EIF3L: variants seen among roughly 807,000 people sequenced by gnomAD.
EIF3L encodes the protein eIEF associated protein HSPC021.
Under a neutral mutation model 74.6 loss-of-function variants are expected in EIF3L, and 32 were observed. The observed-to-expected ratio is 0.43, with a 90% CI of 0.32 to 0.58. EIF3L has a LOEUF of 0.58. Among genes scored for constraint, EIF3L ranks in the 20% least tolerant of loss-of-function variants. EIF3L has a pLI of 0.06. For missense variants in EIF3L, 474 were observed against 707.8 expected (o/e 0.67, Z 3.75); for synonymous variants, 256 against 254.4 (o/e 1.01, Z -0.06).
Position 37,863,055 on chromosome 22 carries a change from G to T in EIF3L, c.505+17G>T. On this transcript the variant is annotated intron_variant, in intron 6 of 12. Transcript: ENST00000652021. ...ACATTCTTAGTGAGTCTGAGATTTGGCCAAGAGGGTGTGTGTGGTTATGAT... is the reference window on the plus strand; with the variant it reads ...ACATTCTTAGTGAGTCTGAGATTTGTCCAAGAGGGTGTGTGTGGTTATGAT... 6.2e-7 allele frequency: 1 copy of T among 1,608,658 alleles called. No homozygotes were observed. Among genetic ancestry groups the T allele is most frequent in the South Asian group, 1.1e-5 (1 of 90,454 alleles).
At chr22:37,855,706 A>G in intron 4 of EIF3L, 62 bp downstream of exon 4, 2 of 1,409,608 alleles carry the variant, frequency 1.4e-6, no homozygotes, top group Non-Finnish European at 2.0e-6. Context: ...GTCATTAGAC[A>G]GGAAGCTCAA....
intron 12 of EIF3L, 123 bp downstream of exon 12, chr22:37,886,968 A>T: frequency 1.4e-6 from 1 of 731,354 alleles, no homozygotes; most frequent in Non-Finnish European, 2.1e-6. Flanking sequence ...TTGTGCTGTC[A>T]CCCATGCTGG....
Position 37,877,677 on chromosome 22 carries a change from A to C in EIF3L, c.1081A>C (p.Asn361His). Residue 361 changes from asparagine to histidine, a missense_variant, in exon 11 of 13, where the codon AAC (asparagine) becomes CAC (histidine). This residue lies in a region of EIF3L where 293 missense variants were observed against 469.1 expected (regional missense o/e 0.62). Coordinates refer to ENST00000652021, the MANE Select transcript of EIF3L (RefSeq NM_016091.4). ...QRTTYKYEMI[N>H]KQNEQMHALL... is the part of the protein sequence containing the mutation. ...CCACTCTCCACCCCATCCCCAGATT[A>C]ACAAGCAGAATGAGCAGATGCATGC... The C allele has an allele frequency of 6.3e-7, 1 of 1,592,982 alleles. No homozygotes were observed. The highest frequency in any genetic ancestry group is 8.6e-7 in the Non-Finnish European group (1 of 1,168,436).
chr22:37,875,833 T>C lies in EIF3L; in HGVS notation c.907-8T>C. The C allele has an allele frequency of 6.2e-7, 1 of 1,611,564 alleles. No individual in the cohort carries two copies. Among genetic ancestry groups the C allele is most frequent in the South Asian group, 1.1e-5 (1 of 90,916 alleles). On this transcript the variant is annotated splice_region_variant and splice_polypyrimidine_tract_variant and intron_variant, in intron 9 of 12. Transcript: ENST00000652021. ...ACTCATGAATGTTTGTTCTACCTCC[T>C]TCTACAGAGTATGTATTCCCGTGTG...
rs778616387 is a variant in EIF3L, at chr22:37,858,747, A to AT, written c.435+10dup. 1.3e-6 allele frequency: 2 copies of AT among 1,595,536 alleles called. No homozygotes were observed. Among genetic ancestry groups the AT allele is most frequent in the South Asian group, 2.3e-5 (2 of 85,636 alleles). On this transcript the variant is annotated splice_region_variant and intron_variant, in intron 5 of 12. Transcript: ENST00000652021. Reference sequence around the variant, plus strand: ...CATATATGCCAAAGTCAGTGTAAGTATTTAAGTGTCGCAGTTTTTTTTTTG... The same window carrying AT: ...CATATATGCCAAAGTCAGTGTAAGTATTTTAAGTGTCGCAGTTTTTTTTTTG...
intron 1 of EIF3L, 121 bp downstream of exon 1, chr22:37,849,603 G>A: frequency 4.4e-6 from 5 of 1,126,406 alleles, no homozygotes; most frequent in Non-Finnish European, 6.4e-6. Flanking sequence ...CCTCCCGCCC[G>A]GCCCTCAGGC....
intron 5 of EIF3L, among the ~76,000 whole-genome samples, chr22:37,859,936 C>T (rs1925766122): frequency 1.3e-5 from 2 of 151,988 alleles, no homozygotes; most frequent in South Asian, 2.1e-4. Context: ...CGCTTGAACC[C>T]GGGAAGCGGA....
chr22:37,852,226 GTTGT>G (rs1251721615), intron 3 of EIF3L, among the ~76,000 whole-genome samples: 1 of 152,160 alleles, frequency 6.6e-6, no homozygotes, highest in Non-Finnish European at 1.5e-5. Context: ...TGTTCAGTGT[GTTGT>G]TTGTGTTTTT....
intron 7 of EIF3L, among the ~76,000 whole-genome samples, chr22:37,869,200 C>A (rs1053590694): frequency 7.9e-5 from 12 of 152,228 alleles, no homozygotes; most frequent in African/African-American, 2.9e-4. Flanking sequence ...ACAACCTCAC[C>A]TCACTGTAGC....
chr22:37,887,048 C>A, intron 12 of EIF3L: 1 of 391,884 alleles, frequency 2.6e-6, no homozygotes, highest in Non-Finnish European at 5.0e-6. Context: ...CCCTCCTCAG[C>A]CTCCCGCATA....
chr22:37,876,377 T>C, intron 10 of EIF3L: 1 of 153,504 alleles, frequency 6.5e-6, no homozygotes, highest in Non-Finnish European at 1.4e-5. Flanking sequence ...CTCAGCTCAC[T>C]GCAACCTCCG....
chr22:37,849,565 C>T, intron 1 of EIF3L, 83 bp downstream of exon 1: 1 of 1,473,258 alleles, frequency 6.8e-7, no homozygotes, highest in Non-Finnish European at 9.1e-7. Context: ...CGCGAGGCAG[C>T]TTCCGGGTCG....
intron 4 of EIF3L, among the ~76,000 whole-genome samples, chr22:37,858,014 T>A (rs891583029): frequency 2.0e-5 from 3 of 151,650 alleles, no homozygotes; most frequent in Non-Finnish European, 2.9e-5. Context: ...CTACAAAAAA[T>A]TTTTTAAAAA....
chr22:37,882,539 T>C (rs1422480303), intron 11 of EIF3L: 1 of 151,912 alleles, frequency 6.6e-6, no homozygotes, highest in African/African-American at 2.4e-5. Flanking sequence ...TAGCCGGGCA[T>C]GGTGGTGCGT....
At chr22:37,856,162 A>G (rs1414184593) in intron 4 of EIF3L, among the ~76,000 whole-genome samples, 1 of 151,876 alleles carries the variant, frequency 6.6e-6, no homozygotes, top group East Asian at 1.9e-4. Flanking sequence ...GGTTCAAGCG[A>G]TTCTCCTAGG....
At chr22:37,853,775 CCTAAAT>C (rs1925354060) in intron 3 of EIF3L, among the ~76,000 whole-genome samples, 1 of 151,822 alleles carries the variant, frequency 6.6e-6, no homozygotes, top group Non-Finnish European at 1.5e-5. Context: ...CTTAAAGTTT[CCTAAAT>C]CCAGTGTGTA....
chr22:37,850,507 T>G (rs527887411), intron 2 of EIF3L: 112 of 225,166 alleles, frequency 5.0e-4, no homozygotes, highest in African/African-American at 2.2e-3. Context: ...CAGCTAATTT[T>G]TAAATTTTTT....
chr22:37,882,042 C>G (rs557659106), intron 11 of EIF3L: 1 of 152,276 alleles, frequency 6.6e-6, no homozygotes. Context: ...CATGATGGCT[C>G]ACGCCTGTAA....
chr22:37,870,775 T>A (rs1926429985), intron 8 of EIF3L, among the ~76,000 whole-genome samples: 1 of 152,168 alleles, frequency 6.6e-6, no homozygotes, highest in South Asian at 2.1e-4. Context: ...AGCTGGCTTC[T>A]CATTTCTGCT....
Sources: allele counts gnomAD v4.1 joint callset (sites outside exome capture counted in the v4.1 genomes callset), GRCh38; gene constraint gnomAD v4.1.1; regional missense constraint gnomAD v4.1.1; transcripts MANE v1.5; gene names NCBI Gene and HGNC (gene_info 2026-07-23, HGNC 2026-07-21).